RPP30: variants seen among roughly 807,000 people sequenced by gnomAD.
The protein encoded by RPP30 is ribonuclease P/MRP subunit p30, also known as ribonuclease P protein subunit p30.
A neutral mutation model predicts 38.6 loss-of-function variants in RPP30; 36 were observed. The observed-to-expected ratio is 0.93, with a 90% confidence interval of 0.71 to 1.23. The LOEUF (loss-of-function observed/expected upper bound fraction) is 1.23. Among genes scored for constraint, RPP30 ranks in the 50% most tolerant of loss-of-function variants. RPP30 has a pLI of 0.00. For missense variants in RPP30, 321 were observed against 321.7 expected (o/e 1.00, Z 0.02); for synonymous variants, 126 against 112.7 (o/e 1.12, Z -0.75).
At chr10:90,891,561 A>AT (rs1847082271) in intron 6 of RPP30, among the ~76,000 whole-genome samples, 1 of 152,222 alleles carries the variant, frequency 6.6e-6, no homozygotes, top group African/African-American at 2.4e-5. Flanking sequence ...TATTCTACAG[A>AT]TACACTGAAA....
intron 6 of RPP30, among the ~76,000 whole-genome samples, chr10:90,890,672 T>G (rs1187884911): frequency 6.6e-6 from 1 of 152,092 alleles, no homozygotes; most frequent in Non-Finnish European, 1.5e-5. Flanking sequence ...TATTAAAAAT[T>G]TCTGTGGAAA....
At chr10:90,876,325 C>G (rs1279057477) in intron 4 of RPP30, among the ~76,000 whole-genome samples, 1 of 152,194 alleles carries the variant, frequency 6.6e-6, no homozygotes, top group African/African-American at 2.4e-5. Context: ...CCCTTGGCAA[C>G]TGTTACTCAT....
intron 10 of RPP30, among the ~76,000 whole-genome samples, chr10:90,898,909 G>A (rs1847172686): frequency 6.6e-6 from 1 of 152,180 alleles, no homozygotes; most frequent in African/African-American, 2.4e-5. Flanking sequence ...ACCTGTTGGG[G>A]ACACCTGCCT....
chr10:90,894,692 G>A, intron 6 of RPP30, 83 bp from the exon 7 acceptor site: 1 of 949,120 alleles, frequency 1.1e-6, no homozygotes, highest in Non-Finnish European at 1.7e-6. Context: ...AGGGAGTGAG[G>A]AGGGATGTGA....
intron 3 of RPP30, 90 bp downstream of exon 3, chr10:90,875,704 C>T (rs1213371912): frequency 3.6e-6 from 4 of 1,102,214 alleles, no homozygotes; most frequent in African/African-American, 3.1e-5. Context: ...TTGAGCTGCA[C>T]CTTACTCTGA....
intron 10 of RPP30, among the ~76,000 whole-genome samples, chr10:90,900,066 A>T (rs1466114117): frequency 6.6e-6 from 1 of 152,246 alleles, no homozygotes; most frequent in Non-Finnish European, 1.5e-5. Flanking sequence ...TATTTACTGA[A>T]CACATTTTGC....
chr10:90,875,725 T>A, intron 3 of RPP30, 111 bp downstream of exon 3: 1 of 907,844 alleles, frequency 1.1e-6, no homozygotes, highest in Non-Finnish European at 1.8e-6. Flanking sequence ...GTACCAGTCT[T>A]AACGTTTTCC....
intron 10 of RPP30, 88 bp downstream of exon 10, chr10:90,896,480 A>G (rs1847140445): frequency 1.0e-6 from 1 of 993,768 alleles, no homozygotes; most frequent in South Asian, 1.4e-5. Flanking sequence ...GCCCTACCCT[A>G]CAGAGTTCCT....
intron 7 of RPP30, 199 bp downstream of exon 7, chr10:90,895,090 G>C: frequency 1.6e-6 from 1 of 625,240 alleles, no homozygotes; most frequent in Non-Finnish European, 2.9e-6. Flanking sequence ...GGGAGAAAAA[G>C]ATGTGTTGGA....
intron 10 of RPP30, among the ~76,000 whole-genome samples, chr10:90,899,276 C>G (rs1057331992): frequency 3.9e-5 from 6 of 152,010 alleles, no homozygotes; most frequent in African/African-American, 1.4e-4. Context: ...TTTTAATGAC[C>G]TTGAGAGCAG....
chr10:90,881,062 T>G (rs1012465565), intron 5 of RPP30, among the ~76,000 whole-genome samples: 2 of 152,234 alleles, frequency 1.3e-5, no homozygotes, highest in Non-Finnish European at 2.9e-5. Flanking sequence ...AGAATAAAAG[T>G]TGCAGATGTA....
At chr10:90,875,991 GT>G in intron 3 of RPP30, 32 bp from the exon 4 acceptor site, 3 of 1,185,576 alleles carry the variant, frequency 2.5e-6, no homozygotes, top group Non-Finnish European at 2.5e-6. Flanking sequence ...ATTGTCTTTT[GT>G]GCTTTTTTGA....
downstream of RPP30, chr10:90,903,165 A>G (rs751640887): frequency 7.7e-7 from 1 of 1,303,912 alleles, no homozygotes; most frequent in South Asian, 1.2e-5. Flanking sequence ...TGCTTCACTA[A>G]TGTCAAGTTC....
intron 5 of RPP30, 25 bp downstream of exon 5, chr10:90,879,159 A>T (rs974689490): frequency 6.4e-7 from 1 of 1,557,892 alleles, no homozygotes; most frequent in African/African-American, 1.4e-5. Context: ...AGTAAAAGAA[A>T]GTAGTGTATA....
At chr10:90,886,278 C>G (rs1274181504) in intron 6 of RPP30, among the ~76,000 whole-genome samples, 1 of 152,048 alleles carries the variant, frequency 6.6e-6, no homozygotes, top group Non-Finnish European at 1.5e-5. Context: ...CACCAGGAAG[C>G]TAAAGAGAGT....
intron 6 of RPP30, among the ~76,000 whole-genome samples, chr10:90,886,954 A>G (rs1847008088): frequency 6.6e-6 from 1 of 152,102 alleles, no homozygotes; most frequent in Non-Finnish European, 1.5e-5. Flanking sequence ...TCAGTGTGGC[A>G]AAAATTATTA....
chr10:90,874,927 A>T lies in RPP30; in HGVS notation c.138+3A>T. The T allele has an allele frequency of 6.5e-7, 1 of 1,530,678 alleles. No homozygotes were observed. The highest frequency in any genetic ancestry group is 1.2e-5 in the South Asian group (1 of 85,524). 94.8% of individuals were successfully genotyped at this position (1,530,678 alleles called of 1,614,324 possible). ...TTGACTTTAAGGAAAAGAAACAGGT[A>T]AAATAATATTTCTAAAGTTAATAAG... On this transcript the variant is annotated splice_donor_region_variant and intron_variant, in intron 2 of 10. Coordinates refer to ENST00000371703, the MANE Select transcript of RPP30 (RefSeq NM_006413.5).
At chr10:90,893,039 A>G (rs1377396582) in intron 6 of RPP30, among the ~76,000 whole-genome samples, 1 of 152,228 alleles carries the variant, frequency 6.6e-6, no homozygotes, top group Non-Finnish European at 1.5e-5. Context: ...AGAAATAATC[A>G]ACACAGGTGA....
chr10:90,876,902 C>T (rs938077414), intron 4 of RPP30, among the ~76,000 whole-genome samples: 2 of 152,078 alleles, frequency 1.3e-5, no homozygotes, highest in South Asian at 2.1e-4. Flanking sequence ...AGGATGATTA[C>T]TCCCTAGGTG....
Sources: gnomAD v4.1 joint callset for allele counts (sites outside exome capture counted in the v4.1 genomes callset) on GRCh38, gnomAD v4.1.1 for gene constraint, MANE v1.5 for transcripts, NCBI Gene and HGNC (gene_info 2026-07-23, HGNC 2026-07-21) for gene names.